The following CPED1 variants were observed in gnomAD, a reference collection of about 807,000 sequenced individuals.
CPED1 encodes cadherin-like and PC-esterase domain-containing protein 1.
In CPED1, 114 loss-of-function variants were observed where a neutral mutation model predicts 128.2. The observed-to-expected ratio is 0.89, with a 90% CI of 0.76 to 1.04. The LOEUF is 1.04. Ranked by LOEUF, CPED1 falls within the 50% of genes least tolerant of loss-of-function variation. The pLI is 0.00. For missense variants in CPED1, 1,211 were observed against 1,207.1 expected (o/e 1.00, Z -0.05); for synonymous variants, 462 against 426.7 (o/e 1.08, Z -1.02).
chr7:121,031,175 T>C (rs1040020138), intron 3 of CPED1, among the ~76,000 whole-genome samples: 8 of 152,366 alleles, frequency 5.3e-5, no homozygotes, highest in African/African-American at 1.9e-4. Flanking sequence ...AATTAGGTTT[T>C]TTCAACTTGT....
At chr7:121,156,623 G>A (rs1208429255) in intron 16 of CPED1, among the ~76,000 whole-genome samples, 4 of 152,088 alleles carry the variant, frequency 2.6e-5, no homozygotes, top group African/African-American at 9.7e-5. Context: ...TCATATATGT[G>A]AGCTAAAAAA....
At chr7:121,025,837 A>G (rs1280499154) in intron 3 of CPED1, among the ~76,000 whole-genome samples, 1 of 152,124 alleles carries the variant, frequency 6.6e-6, no homozygotes, top group Non-Finnish European at 1.5e-5. Context: ...ATCCTATCTA[A>G]TTTGTCTCCT....
In CPED1 at chr7:121,129,315, A is replaced by ATATATATATACACG. The variant is rs1563037584; in HGVS notation, c.1408-800_1408-799insCACGTATATATATA. Among the ~76,000 whole-genome samples, 18 of 95,868 alleles carry ATATATATATACACG rather than the reference A, an allele frequency of 1.9e-4. 1 individual carries two copies. Among genetic ancestry groups the ATATATATATACACG allele is most frequent in the South Asian group, 6.9e-4 (2 of 2,910 alleles). The allele number at this position is 95,868 out of a possible 152,430, so 62.9% of individuals were successfully genotyped here. A position where few individuals can be genotyped will look rare whatever the true frequency, so the allele number is the denominator to read the frequency against. On this transcript the variant is annotated intron_variant, in intron 11 of 22. Transcript: ENST00000310396. ...TATATATATATATATATATATACGT[A>ATATATATATACACG]TATATATATATATATATATACGTAT...
intron 17 of CPED1, among the ~76,000 whole-genome samples, chr7:121,243,039 T>C (rs191516154): frequency 1.9e-4 from 29 of 152,256 alleles, no homozygotes; most frequent in African/African-American, 6.5e-4. Flanking sequence ...TCCCCTAAAA[T>C]TAATATAACA....
chr7:121,140,101 CT>C (rs1181420392), intron 14 of CPED1, among the ~76,000 whole-genome samples: 1 of 151,910 alleles, frequency 6.6e-6, no homozygotes, highest in East Asian at 1.9e-4. Context: ...ACAATTTTTT[CT>C]TTCTTTCTCA....
At chr7:121,203,140 T>C (rs571154600) in intron 16 of CPED1, among the ~76,000 whole-genome samples, 1 of 152,238 alleles carries the variant, frequency 6.6e-6, no homozygotes, top group East Asian at 1.9e-4. Flanking sequence ...TTCATCCCTA[T>C]GCCCTAAGTC....
At chr7:121,181,681 A>G (rs913713493) in intron 16 of CPED1, among the ~76,000 whole-genome samples, 2 of 152,114 alleles carry the variant, frequency 1.3e-5, no homozygotes, top group Non-Finnish European at 2.9e-5. Flanking sequence ...GATTTCTAAC[A>G]TTTTAGTCAA....
chr7:121,129,341 A>T (rs961469677), intron 11 of CPED1, among the ~76,000 whole-genome samples: 1 of 105,522 alleles, frequency 9.5e-6, no homozygotes, highest in African/African-American at 3.1e-5. Context: ...ATATACGTAT[A>T]TATATATATA....
At chr7:121,154,706 C>A (rs1334598850) in intron 16 of CPED1, among the ~76,000 whole-genome samples, 1 of 151,912 alleles carries the variant, frequency 6.6e-6, no homozygotes, top group East Asian at 1.9e-4. Context: ...CCAGCACGCC[C>A]AGCTAATTTT....
In CPED1 at chr7:121,295,747, G is replaced by A; in HGVS notation, c.*95G>A. On this transcript the variant is annotated 3_prime_UTR_variant, in exon 23 of 23. Coordinates refer to ENST00000310396, the MANE Select transcript of CPED1 (RefSeq NM_024913.5). ...AGCGCTGCACATCGCACACATTTGG[G>A]ATCGACCACACACACTTGTGCACAC... is the stretch of plus-strand genomic sequence containing the variant. 1.0e-6 allele frequency: 1 copy of A among 981,334 alleles called. No homozygotes were observed. Among genetic ancestry groups the A allele is most frequent in the East Asian group, 2.4e-5 (1 of 40,834 alleles). The allele number at this position is 981,334 out of a possible 1,614,324, so 60.8% of individuals were successfully genotyped here.
intron 4 of CPED1, among the ~76,000 whole-genome samples, chr7:121,047,865 C>T (rs1585038771): frequency 1.3e-5 from 2 of 151,740 alleles, no homozygotes; most frequent in South Asian, 2.1e-4. Context: ...GTCCCACGCC[C>T]GGCTAATTTT....
At chr7:121,282,500 G>T (rs936009128) in intron 22 of CPED1, among the ~76,000 whole-genome samples, 1 of 152,044 alleles carries the variant, frequency 6.6e-6, no homozygotes, top group Admixed American at 6.6e-5. Context: ...ATCTTTCACC[G>T]GAATAACATT....
At chr7:121,116,514 A>G (rs939929017) in intron 7 of CPED1, among the ~76,000 whole-genome samples, 2 of 152,200 alleles carry the variant, frequency 1.3e-5, no homozygotes, top group Non-Finnish European at 2.9e-5. Context: ...TAGGCTACAT[A>G]AATTCTCAAG....
At position 121,116,973 on chromosome 7, in the gene CPED1, TATATAC is replaced by T. The variant is rs1250102594; in HGVS notation, c.919-7356_919-7351del. Among the ~76,000 whole-genome samples, 30 of 140,400 alleles carry T rather than the reference TATATAC, an allele frequency of 2.1e-4. No individual in the cohort carries two copies. In the East Asian group the frequency reaches 2.2e-3, roughly 10 times the overall value. 92.1% of individuals were successfully genotyped at this position (140,400 alleles called of 152,430 possible). On this transcript the variant is annotated intron_variant, in intron 7 of 22. Coordinates refer to ENST00000310396, the MANE Select transcript of CPED1 (RefSeq NM_024913.5). ...CTCTCTCTCTCTCTCTATATATATA[TATATAC>T]ACACACACACACATATATATACACA...
At chr7:121,141,287 AAC>A (rs1159928829) in intron 15 of CPED1, among the ~76,000 whole-genome samples, 1 of 152,042 alleles carries the variant, frequency 6.6e-6, no homozygotes, top group Non-Finnish European at 1.5e-5. Context: ...TTCATGTTTT[AAC>A]ATTCTCGAAG....
At chr7:121,271,599 A>G (rs1792231375) in intron 22 of CPED1, among the ~76,000 whole-genome samples, 169 bp downstream of exon 22, 1 of 152,162 alleles carries the variant, frequency 6.6e-6, no homozygotes, top group Admixed American at 6.6e-5. Context: ...AGTAACCACA[A>G]CTTTAGCTCT....
intron 17 of CPED1, among the ~76,000 whole-genome samples, chr7:121,243,395 A>C (rs970842786): frequency 6.6e-6 from 1 of 152,222 alleles, no homozygotes; most frequent in African/African-American, 2.4e-5. Flanking sequence ...TAAAAGCTGA[A>C]GTGTTTTGCA....
At chr7:121,189,799 A>ATATATATAT (rs58389973) in intron 16 of CPED1, among the ~76,000 whole-genome samples, 1,617 of 31,018 alleles carry the variant, frequency 0.052, 111 homozygotes, top group Middle Eastern at 0.083. Context: ...TATATATATA[A>ATATATATAT]AATTTGTATT....
At chr7:120,995,114 T>C (rs894566525) in intron 2 of CPED1, among the ~76,000 whole-genome samples, 7 of 152,244 alleles carry the variant, frequency 4.6e-5, no homozygotes, top group African/African-American at 1.7e-4. Flanking sequence ...CTACCTAATA[T>C]GATATGCTCC....
Sources: allele counts gnomAD v4.1 joint callset (sites outside exome capture counted in the v4.1 genomes callset), GRCh38; gene constraint gnomAD v4.1.1; transcripts MANE v1.5; gene names NCBI Gene and HGNC (gene_info 2026-07-23, HGNC 2026-07-21).